Variants in DST observed in about 807,000 individuals in gnomAD.
DST encodes bullous pemphigoid antigen.
In DST, 253 loss-of-function variants were observed where a neutral mutation model predicts 875.2. That is an observed-to-expected ratio of 0.29 (90% CI 0.26 to 0.32). The LOEUF (loss-of-function observed/expected upper bound fraction) is 0.32, where lower values mean the gene tolerates loss of function less well. Among genes scored for constraint, DST ranks in the 10% least tolerant of loss-of-function variants. The pLI is 1.00. For synonymous variants in DST, 3,124 were observed against 3,197.1 expected (o/e 0.98, Z 0.77); for missense variants, 8,287 against 9,111.6 (o/e 0.91, Z 3.68).
rs774371096 is a variant in DST, at chr6:56,497,368, A to C, written c.20223+11T>G. The C allele has an allele frequency of 1.2e-6, 2 of 1,611,220 alleles. No homozygotes were observed. Among genetic ancestry groups the C allele is most frequent in the Admixed American group, 3.3e-5 (2 of 59,840 alleles). ...TTCTGAGGCTAAAGCTGTAGGAAATACTTTGCTTACCATATGGACATTAAG... is the reference window on the plus strand; with the variant it reads ...TTCTGAGGCTAAAGCTGTAGGAAATCCTTTGCTTACCATATGGACATTAAG... On this transcript the variant is annotated intron_variant, in intron 82 of 103. Transcript: ENST00000680361.
intron 61 of DST, among the ~76,000 whole-genome samples, chr6:56,551,971 A>C (rs1231611531): frequency 6.6e-6 from 1 of 152,112 alleles, no homozygotes; most frequent in African/African-American, 2.4e-5. Flanking sequence ...GTCTGATTTT[A>C]TCTCAGACCT....
chr6:56,655,065 G>A (rs1285351753), intron 10 of DST, among the ~76,000 whole-genome samples: 2 of 151,332 alleles, frequency 1.3e-5, no homozygotes, highest in Non-Finnish European at 2.9e-5. Flanking sequence ...GGAGGGTGAG[G>A]CAGGAGAATC....
rs1318858816 is a variant in DST at position 56,538,561 on chromosome 6, G to A, written c.16609-1621C>T. Among the ~76,000 whole-genome samples, 4 of 152,140 alleles carry A rather than the reference G, an allele frequency of 2.6e-5. No individual in the cohort carries two copies. In the East Asian group the frequency reaches 5.8e-4, roughly 22 times the overall value. ...ACTTTGAAAGATGTAGAGGCTGCAG[G>A]AGACAAATCCTCCAGACTCTGGTCT... On this transcript the variant is annotated intron_variant, in intron 61 of 103. Transcript: ENST00000680361.
In DST at chr6:56,501,173, C is replaced by T. The variant is rs757033696; in HGVS notation, c.19803G>A (p.Leu6601=). 3.1e-6 allele frequency: 5 copies of T among 1,612,336 alleles called. No homozygotes were observed. Among genetic ancestry groups the T allele is most frequent in the Non-Finnish European group, 4.2e-6 (5 of 1,179,090 alleles). Reference sequence around the variant, plus strand: ...AGCCCTCGGTGTGTGTCAGCCATGCCAGGAGCTCATCCAGGGCATGTTGGA... The same window carrying T: ...AGCCCTCGGTGTGTGTCAGCCATGCTAGGAGCTCATCCAGGGCATGTTGGA... ...GQFQHALDEL[L]AWLTHTEGLL... The change falls in exon 80 of 104, where the codon CTG becomes CTA. Residue 6601 remains leucine (L), a synonymous_variant. Transcript: ENST00000680361.
intron 36 of DST, chr6:56,620,576 T>A (rs1372393383): frequency 4.3e-6 from 7 of 1,613,974 alleles, no homozygotes. Flanking sequence ...TCGGGACTTT[T>A]GTTTCTTTAG....
At chr6:56,820,631 G>C (rs541846798) in intron 4 of DST, among the ~76,000 whole-genome samples, 2 of 152,108 alleles carry the variant, frequency 1.3e-5, no homozygotes. Flanking sequence ...TTGGTCACCC[G>C]AAATCAGCCA....
In DST at chr6:56,630,266, C is replaced by G; in HGVS notation, c.4260G>C (p.Glu1420Asp). The G allele has an allele frequency of 6.2e-7, 1 of 1,601,054 alleles. No homozygotes were observed. Among genetic ancestry groups the G allele is most frequent in the Non-Finnish European group, 8.5e-7 (1 of 1,170,070 alleles). The change falls in exon 31 of 104, where the codon GAG becomes GAC. Residue 1420 changes from glutamate (E) to aspartate (D), a missense_variant. By Grantham distance (45) the Glu-to-Asp change is conservative. Around this residue, in one of 10 missense-constraint regions of DST, gnomAD observed 3,138 missense variants for 3,116.6 expected, o/e 1.01. Transcript: ENST00000680361. ...EAVIADKNNI[E>D]NLISTLKQWR... ...ATACCTTTAAAGTACTTATTAGATT[C>G]TCAATATTATTCTTGTCAGCTATAA...
intron 49 of DST, among the ~76,000 whole-genome samples, chr6:56,587,119 C>T (rs1359496202): frequency 6.6e-6 from 1 of 152,030 alleles, no homozygotes; most frequent in African/African-American, 2.4e-5. Context: ...CTCCGAGCTA[C>T]AGGAGGAAAT....
chr6:56,536,807 T>C lies in DST; in HGVS notation c.16742A>G (p.Asn5581Ser), dbSNP rs201488187. Residue 5581 changes from asparagine (N) to serine (S), a missense_variant, in exon 62 of 104, where the codon AAT becomes AGT. Asn to Ser is a conservative substitution (Grantham distance 46). Coordinates refer to ENST00000680361, the MANE Select transcript of DST (RefSeq NM_001374736.1). ...QGLEHDLDDV[N>S]ARWKTLNKKV... ...CTTATTGAGAGTCTTCCACCGTGCA[T>C]TGACATCATCCAGGTCATGCTCCAA... 1.1e-4 allele frequency: 170 copies of C among 1,595,758 alleles called. No individual in the cohort carries two copies. The highest frequency in any genetic ancestry group is 1.7e-4 in the Middle Eastern group (1 of 5,996).
At chr6:56,571,534 A>C (rs1478914135) in intron 53 of DST, among the ~76,000 whole-genome samples, 2 of 152,216 alleles carry the variant, frequency 1.3e-5, no homozygotes, top group African/African-American at 4.8e-5. Flanking sequence ...ATTCTAAACT[A>C]ACGTGAGATC....
chr6:56,546,713 A>C (rs965219031), intron 61 of DST, among the ~76,000 whole-genome samples: 1 of 151,968 alleles, frequency 6.6e-6, no homozygotes, highest in Non-Finnish European at 1.5e-5. Context: ...AACATTTACC[A>C]CTCAAATGTT....
At chr6:56,751,966 A>G (rs1056268578) in intron 4 of DST, among the ~76,000 whole-genome samples, 3 of 152,194 alleles carry the variant, frequency 2.0e-5, no homozygotes, top group African/African-American at 4.8e-5. Context: ...CACTTTTTGC[A>G]TACAAATCTC....
intron 23 of DST, 74 bp downstream of exon 23, chr6:56,636,483 A>G: frequency 8.8e-6 from 10 of 1,139,044 alleles, no homozygotes; most frequent in Non-Finnish European, 1.2e-5. Flanking sequence ...CTAACAATAA[A>G]TTATGAAAAA....
Position 56,542,217 on chromosome 6 carries a change from T to C in DST, c.16609-5277A>G, listed in dbSNP as rs368127847. On this transcript the variant is annotated intron_variant, in intron 61 of 103. Transcript: ENST00000680361. Reference sequence around the variant, plus strand: ...CTAACGTTATGAGAAAGTTACATTTTTCTTTTACTTTTTTTTTTTGGAGGG... The same window carrying C: ...CTAACGTTATGAGAAAGTTACATTTCTCTTTTACTTTTTTTTTTTGGAGGG... Among the ~76,000 whole-genome samples the C allele has an allele frequency of 3.4e-4, 52 of 151,752 alleles. 2 individuals are homozygous for C. In the South Asian group the frequency reaches 0.011, roughly 31 times the overall value.
Position 56,466,164 on chromosome 6 carries a change from C to A in DST, c.22601G>T (p.Arg7534Leu). The change falls in exon 99 of 104, where the codon CGG becomes CTG. Residue 7534 changes from arginine (R) to leucine (L), a missense_variant. Physicochemically the swap from Arg to Leu is moderately radical, Grantham distance 102. Transcript: ENST00000680361. ...FGDSQQLRLV[R>L]ILRSTVMVRV... ...AACCATCACAGTACTCCGCAGGATCCGGACCAGTCGCAGTTGCTGGGAGTC... is the reference window on the plus strand; with the variant it reads ...AACCATCACAGTACTCCGCAGGATCAGGACCAGTCGCAGTTGCTGGGAGTC... 1 of 1,610,884 alleles carries A rather than the reference C, an allele frequency of 6.2e-7. No homozygotes were observed. The highest frequency in any genetic ancestry group is 1.3e-5 in the African/African-American group (1 of 74,966).
chr6:56,745,061 A>C (rs2099568538), intron 4 of DST, among the ~76,000 whole-genome samples: 1 of 152,188 alleles, frequency 6.6e-6, no homozygotes, highest in Non-Finnish European at 1.5e-5. Context: ...CCTTAGCCAC[A>C]GTCCACTCCC....
intron 59 of DST, among the ~76,000 whole-genome samples, chr6:56,556,390 C>T (rs2097418929): frequency 6.6e-6 from 1 of 152,202 alleles, no homozygotes; most frequent in East Asian, 1.9e-4. Flanking sequence ...CTCAACTTGA[C>T]TCATAAAATT....
At position 56,515,573 on chromosome 6, in the gene DST, G is replaced by A; in HGVS notation, c.18453C>T (p.Asn6151=). 6.2e-7 allele frequency: 1 copy of A among 1,613,844 alleles called. No individual in the cohort carries two copies. Among genetic ancestry groups the A allele is most frequent in the Non-Finnish European group, 8.5e-7 (1 of 1,179,814 alleles). Residue 6151 remains asparagine, a synonymous_variant, in exon 72 of 104, where the codon AAC becomes AAT. Transcript: ENST00000680361. The part of the protein sequence containing the change: ...LQLERAQSLV[N]QFWETYEELW... ...GTTCTTCATATGTTTCCCAGAATTG[G>A]TTAACCAGGGACTGTGCCCGTTCCA...
At chr6:56,828,466 A>G (rs1321964338) in intron 4 of DST, among the ~76,000 whole-genome samples, 3 of 152,256 alleles carry the variant, frequency 2.0e-5, no homozygotes, top group Non-Finnish European at 4.4e-5. Flanking sequence ...CATGTAAAGA[A>G]TAACACTGAT....
Sources: gnomAD v4.1 joint callset for allele counts (sites outside exome capture counted in the v4.1 genomes callset) on GRCh38, gnomAD v4.1.1 for gene constraint, gnomAD v4.1.1 regional missense constraint, MANE v1.5 for transcripts, NCBI Gene and HGNC (gene_info 2026-07-23, HGNC 2026-07-21) for gene names.